Variants in SEMA3E observed in about 807,000 individuals in gnomAD.
The protein encoded by SEMA3E is semaphorin-3E.
Under a neutral mutation model 93.6 loss-of-function variants are expected in SEMA3E, and 49 were observed. The observed-to-expected ratio is 0.52, with a 90% CI of 0.42 to 0.66. The LOEUF is 0.66. SEMA3E is among the 30% of genes least tolerant of loss of function. The pLI, the probability that SEMA3E is intolerant of heterozygous loss-of-function variation, is 0.00. For synonymous variants in SEMA3E, 363 were observed against 330.7 expected (o/e 1.10, Z -1.06); for missense variants, 906 against 964.8 (o/e 0.94, Z 0.81).
In SEMA3E at chr7:83,367,781, C is replaced by A. The variant is rs768818178; in HGVS notation, c.2133G>T (p.Lys711Asn). The A allele has an allele frequency of 1.5e-4, 247 of 1,613,980 alleles. No individual in the cohort carries two copies. Among genetic ancestry groups the A allele is most frequent in the Non-Finnish European group, 2.0e-4 (239 of 1,180,022 alleles). The change falls in exon 17 of 17, where the codon AAG becomes AAT. Residue 711 changes from lysine to asparagine, a missense_variant. Lys to Asn is a moderately conservative substitution (Grantham distance 94, BLOSUM62 0). Coordinates refer to ENST00000643230, the MANE Select transcript of SEMA3E (RefSeq NM_012431.3). ...SISQGAKPWY[K>N]EFLQLIGYSN... ...TATAACCGATCAGCTGCAAGAATTCCTTGTACCATGGTTTTGCTCCCTGCG... is the reference window on the plus strand; with the variant it reads ...TATAACCGATCAGCTGCAAGAATTCATTGTACCATGGTTTTGCTCCCTGCG...
At chr7:83,542,274 C>T (rs1194299624) in intron 1 of SEMA3E, among the ~76,000 whole-genome samples, 1 of 151,788 alleles carries the variant, frequency 6.6e-6, no homozygotes, top group East Asian at 1.9e-4. Flanking sequence ...GTGGGAGTAT[C>T]ACTGGAGCTC....
At chr7:83,609,682 C>T (rs562216792) in intron 1 of SEMA3E, among the ~76,000 whole-genome samples, 6 of 151,820 alleles carry the variant, frequency 4.0e-5, no homozygotes, top group Non-Finnish European at 7.4e-5. Context: ...TTTTTACTTA[C>T]CAAATCAACT....
intron 1 of SEMA3E, among the ~76,000 whole-genome samples, chr7:83,491,473 C>G (rs1241246810): frequency 6.6e-6 from 1 of 151,922 alleles, no homozygotes; most frequent in African/African-American, 2.4e-5. Context: ...AAATTTAAAT[C>G]TTTTAAAATG....
chr7:83,541,558 T>C lies in SEMA3E; in HGVS notation c.116-51284A>G, dbSNP rs140018443. Among the ~76,000 whole-genome samples, 15 of 152,266 alleles carry C rather than the reference T, an allele frequency of 9.9e-5. No homozygotes were observed. In the East Asian group the frequency reaches 2.7e-3, roughly 27 times the overall value. On this transcript the variant is annotated intron_variant, in intron 1 of 16. Coordinates refer to ENST00000643230, the MANE Select transcript of SEMA3E (RefSeq NM_012431.3). Reference sequence around the variant, plus strand: ...AAATAGAAGTCACTGTTAGCTCATCTGAGAACCATCCTCAAAGGCCAACGA... The same window carrying C: ...AAATAGAAGTCACTGTTAGCTCATCCGAGAACCATCCTCAAAGGCCAACGA...
intron 1 of SEMA3E, among the ~76,000 whole-genome samples, chr7:83,566,115 A>C (rs1792146864): frequency 1.4e-5 from 2 of 146,594 alleles, no homozygotes; most frequent in South Asian, 4.3e-4. Flanking sequence ...CTCCTGCCTC[A>C]GCCTCCTGAG....
chr7:83,462,818 ATT>A (rs1789657254), intron 4 of SEMA3E, among the ~76,000 whole-genome samples: 1 of 138,082 alleles, frequency 7.2e-6, no homozygotes, highest in African/African-American at 2.8e-5. Flanking sequence ...TATCAACCAA[ATT>A]GTTTTGCCTG....
At chr7:83,471,086 A>G (rs1584271019) in intron 2 of SEMA3E, among the ~76,000 whole-genome samples, 1 of 151,674 alleles carries the variant, frequency 6.6e-6, no homozygotes, top group East Asian at 1.9e-4. Context: ...CAATACTTGA[A>G]CAGTTTTCTC....
intron 4 of SEMA3E, among the ~76,000 whole-genome samples, chr7:83,436,346 G>A (rs2713161): frequency 4.7e-5 from 7 of 150,384 alleles, no homozygotes; most frequent in African/African-American, 7.3e-5. Context: ...GAGAAGAATA[G>A]AAATAAGAAT....
chr7:83,503,107 A>T (rs1416663607), intron 1 of SEMA3E, among the ~76,000 whole-genome samples: 1 of 151,670 alleles, frequency 6.6e-6, no homozygotes, highest in East Asian at 1.9e-4. Flanking sequence ...ACGTTCTGTC[A>T]AGTGGGCATA....
chr7:83,372,430 A>C (rs559162532), intron 16 of SEMA3E: 2 of 394,820 alleles, frequency 5.1e-6, no homozygotes, highest in Non-Finnish European at 8.9e-6. Flanking sequence ...GCAGTTTATG[A>C]AAGTGATTTA....
At chr7:83,626,648 A>C (rs2115654265) in intron 1 of SEMA3E, among the ~76,000 whole-genome samples, 1 of 152,156 alleles carries the variant, frequency 6.6e-6, no homozygotes, top group African/African-American at 2.4e-5. Context: ...TAGTATTTTC[A>C]AAAAAACAGT....
At chr7:83,519,650 A>G (rs1000589139) in intron 1 of SEMA3E, among the ~76,000 whole-genome samples, 19 of 152,096 alleles carry the variant, frequency 1.2e-4, no homozygotes, top group Non-Finnish European at 1.8e-4. Flanking sequence ...TCCGGGATGT[A>G]TCTCCTATTA....
chr7:83,422,816 G>C (rs371656415), intron 4 of SEMA3E, among the ~76,000 whole-genome samples: 1 of 152,078 alleles, frequency 6.6e-6, no homozygotes, highest in East Asian at 1.9e-4. Context: ...TAATACATTC[G>C]TTTAAACTGT....
chr7:83,503,948 C>A (rs934835471), intron 1 of SEMA3E, among the ~76,000 whole-genome samples: 2 of 152,050 alleles, frequency 1.3e-5, no homozygotes, highest in African/African-American at 4.8e-5. Context: ...AGCAAAATAG[C>A]CTCTACATTT....
At chr7:83,460,615 T>TCA (rs1409172653) in intron 4 of SEMA3E, among the ~76,000 whole-genome samples, 514 of 30,310 alleles carry the variant, frequency 0.017, 2 homozygotes, top group African/African-American at 0.03. Flanking sequence ...TCCTTGTCTC[T>TCA]ACCCCTTCTC....
chr7:83,506,137 T>A (rs1790701663), intron 1 of SEMA3E, among the ~76,000 whole-genome samples: 1 of 151,812 alleles, frequency 6.6e-6, no homozygotes. Context: ...CTTATTGATC[T>A]GTTTTCCTGT....
At chr7:83,395,318 CTG>C (rs1013695474) in intron 12 of SEMA3E, among the ~76,000 whole-genome samples, 4 of 152,234 alleles carry the variant, frequency 2.6e-5, no homozygotes, top group South Asian at 2.1e-4. Flanking sequence ...TCTAGGGAAT[CTG>C]TGTTCTAGTA....
intron 1 of SEMA3E, among the ~76,000 whole-genome samples, chr7:83,583,782 T>A (rs994401014): frequency 6.6e-6 from 1 of 152,158 alleles, no homozygotes; most frequent in Admixed American, 6.6e-5. Flanking sequence ...ATTAAAAAGA[T>A]ACATTCAAGA....
intron 1 of SEMA3E, among the ~76,000 whole-genome samples, chr7:83,569,661 G>A (rs947015318): frequency 7.2e-5 from 11 of 152,142 alleles, no homozygotes; most frequent in African/African-American, 2.7e-4. Context: ...AACAATTAAG[G>A]ATTCAATAAA....
Sources: gnomAD v4.1 joint callset for allele counts (sites outside exome capture counted in the v4.1 genomes callset) on GRCh38, gnomAD v4.1.1 for gene constraint, MANE v1.5 for transcripts, NCBI Gene and HGNC (gene_info 2026-07-23, HGNC 2026-07-21) for gene names.